WDSUB1: variants seen among roughly 807,000 people sequenced by gnomAD.
The protein encoded by WDSUB1 is WD repeat, SAM and U-box domain-containing protein 1.
Under a neutral mutation model 53.9 loss-of-function variants are expected in WDSUB1, and 49 were observed. The observed-to-expected ratio is 0.91, with a 90% CI of 0.72 to 1.15. WDSUB1 has a LOEUF of 1.15. Ranked by LOEUF, WDSUB1 falls within the 50% of genes most tolerant of loss-of-function variation. The pLI is 0.00. For missense variants in WDSUB1, 514 were observed against 562.0 expected (o/e 0.91, Z 0.86); for synonymous variants, 194 against 200.6 (o/e 0.97, Z 0.28).
intron 5 of WDSUB1, among the ~76,000 whole-genome samples, chr2:159,265,293 CCACACACA>C (rs75210001): frequency 1.3e-5 from 2 of 149,352 alleles, no homozygotes; most frequent in Non-Finnish European, 1.5e-5. Flanking sequence ...AGCACACACA[CCACACACA>C]CACACACACA....
In WDSUB1 at chr2:159,256,109, G is replaced by A. The variant is rs2061055493; in HGVS notation, c.1132+87C>T. ...CATTAGTGTAGTGCCAGAACATTAAGAAGAAACCATTAATGCAACAAAATC... is the reference window on the plus strand; with the variant it reads ...CATTAGTGTAGTGCCAGAACATTAAAAAGAAACCATTAATGCAACAAAATC... On this transcript the variant is annotated intron_variant, in intron 9 of 10. Coordinates refer to ENST00000359774, the MANE Select transcript of WDSUB1 (RefSeq NM_001128212.3). 3 of 1,299,240 alleles carry A rather than the reference G, an allele frequency of 2.3e-6. No homozygotes were observed. In the East Asian group the frequency reaches 7.2e-5, roughly 31 times the overall value. The allele number at this position is 1,299,240 out of a possible 1,614,324, so 80.5% of individuals were successfully genotyped here.
intron 3 of WDSUB1, among the ~76,000 whole-genome samples, chr2:159,278,447 T>C (rs927684739): frequency 6.6e-6 from 1 of 152,192 alleles, no homozygotes; most frequent in Non-Finnish European, 1.5e-5. Context: ...TACAAGCTAA[T>C]AGGAAAAACA....
At chr2:159,247,651 G>GTAAA (rs2060829603) in intron 10 of WDSUB1, among the ~76,000 whole-genome samples, 1 of 151,240 alleles carries the variant, frequency 6.6e-6, no homozygotes, top group East Asian at 2.0e-4. Flanking sequence ...TATAACCCAC[G>GTAAA]TAAATAACCC....
chr2:159,280,724 T>C lies in WDSUB1; in HGVS notation c.399-779A>G, dbSNP rs2061647180. Among the ~76,000 whole-genome samples, 4 of 134,472 alleles carry C rather than the reference T, an allele frequency of 3.0e-5. No individual in the cohort carries two copies. In the South Asian group the frequency reaches 9.4e-4, roughly 32 times the overall value. 88.2% of individuals were successfully genotyped at this position (134,472 alleles called of 152,430 possible). On this transcript the variant is annotated intron_variant, in intron 2 of 10. Transcript: ENST00000359774. ...AAAAAAAAAAATTACCCAGAAGCAA[T>C]GGCGAGGTCTTCAAATATAAATTAT...
In WDSUB1 at chr2:159,279,938, T is replaced by TAC. The variant is rs1367644778; in HGVS notation, c.404_405dup (p.Ser136ValfsTer29). The TAC allele has an allele frequency of 6.2e-7, 1 of 1,605,312 alleles. No homozygotes were observed. The highest frequency in any genetic ancestry group is 8.5e-7 in the Non-Finnish European group (1 of 1,174,106). Reference sequence around the variant, plus strand: ...GCCGCCAAGGAGCCATCTTTAACACTACCACATCTGAAATAAAAGCAAAAA... The same window carrying TAC: ...GCCGCCAAGGAGCCATCTTTAACACTACACCACATCTGAAATAAAAGCAAAAA... On this transcript the variant is annotated frameshift_variant, in exon 3 of 11. Coordinates refer to ENST00000359774, the MANE Select transcript of WDSUB1 (RefSeq NM_001128212.3). LOFTEE classifies it high-confidence loss of function.
At chr2:159,248,333 C>G (rs768635888) in intron 10 of WDSUB1, 39 bp downstream of exon 10, 1 of 1,596,268 alleles carries the variant, frequency 6.3e-7, no homozygotes, top group African/African-American at 1.4e-5. Flanking sequence ...TCATTTAGCA[C>G]AAAACATCCC....
At chr2:159,240,046 C>T (rs983892902) in intron 10 of WDSUB1, among the ~76,000 whole-genome samples, 1 of 152,180 alleles carries the variant, frequency 6.6e-6, no homozygotes, top group African/African-American at 2.4e-5. Flanking sequence ...CAATCCCATA[C>T]CCATTAGCAG....
chr2:159,247,370 T>A (rs998133981), intron 10 of WDSUB1, among the ~76,000 whole-genome samples: 24 of 152,170 alleles, frequency 1.6e-4, no homozygotes, highest in African/African-American at 5.6e-4. Flanking sequence ...CTCAAATATA[T>A]GTAAATAGTA....
chr2:159,272,717 C>T (rs1209818725), intron 4 of WDSUB1, among the ~76,000 whole-genome samples: 1 of 152,136 alleles, frequency 6.6e-6, no homozygotes, highest in Non-Finnish European at 1.5e-5. Context: ...AATATTTTCT[C>T]ATCCTGTAAA....
intron 3 of WDSUB1, among the ~76,000 whole-genome samples, 184 bp from the exon 4 acceptor site, chr2:159,275,822 G>A (rs1426683718): frequency 6.6e-6 from 1 of 152,086 alleles, no homozygotes; most frequent in African/African-American, 2.4e-5. Context: ...GGTACTATGT[G>A]GGATTATTAG....
At chr2:159,258,019 C>T in intron 6 of WDSUB1, 34 bp from the exon 7 acceptor site, 3 of 1,594,028 alleles carry the variant, frequency 1.9e-6, no homozygotes, top group Non-Finnish European at 1.7e-6. Context: ...TAAATTTACT[C>T]AAGTAAGAGT....
intron 5 of WDSUB1, among the ~76,000 whole-genome samples, chr2:159,266,597 G>A (rs1319911584): frequency 1.3e-5 from 2 of 152,056 alleles, no homozygotes; most frequent in Admixed American, 6.6e-5. Flanking sequence ...ACCTATAACC[G>A]CATTCTGTTG....
intron 3 of WDSUB1, among the ~76,000 whole-genome samples, chr2:159,276,162 A>G (rs1372649260): frequency 1.3e-5 from 2 of 152,078 alleles, no homozygotes; most frequent in Non-Finnish European, 2.9e-5. Context: ...CCCAGGTTCA[A>G]GCAATTCTCC....
intron 9 of WDSUB1, among the ~76,000 whole-genome samples, chr2:159,250,881 A>G (rs1210336930): frequency 6.6e-6 from 1 of 152,154 alleles, no homozygotes; most frequent in African/African-American, 2.4e-5. Flanking sequence ...GGGTAGAGAC[A>G]TGGCTTCAAA....
chr2:159,280,910 T>A (rs1463504477), intron 2 of WDSUB1, among the ~76,000 whole-genome samples: 3 of 152,120 alleles, frequency 2.0e-5, no homozygotes, highest in Non-Finnish European at 4.4e-5. Context: ...CATTTATATA[T>A]AATTAATTAC....
chr2:159,278,731 A>C (rs2061593469), intron 3 of WDSUB1, among the ~76,000 whole-genome samples: 1 of 152,194 alleles, frequency 6.6e-6, no homozygotes, highest in Admixed American at 6.5e-5. Context: ...AAAATGCATA[A>C]GGCCAAGAGC....
chr2:159,281,287 G>A (rs1402653445), intron 2 of WDSUB1, among the ~76,000 whole-genome samples: 1 of 152,002 alleles, frequency 6.6e-6, no homozygotes, highest in African/African-American at 2.4e-5. Context: ...CACTCAGGCT[G>A]GGGTACAGTA....
At chr2:159,274,719 C>T (rs1424801443) in intron 4 of WDSUB1, among the ~76,000 whole-genome samples, 1 of 152,166 alleles carries the variant, frequency 6.6e-6, no homozygotes, top group East Asian at 1.9e-4. Flanking sequence ...CAATAACGAA[C>T]CACTTCTGTG....
At chr2:159,236,539 A>C (rs2151025167) in intron 10 of WDSUB1, among the ~76,000 whole-genome samples, 1 of 152,322 alleles carries the variant, frequency 6.6e-6, no homozygotes, top group South Asian at 2.1e-4. Context: ...GAGCTGTTGG[A>C]AAGTTTGGCT....
Sources: allele counts gnomAD v4.1 joint callset (sites outside exome capture counted in the v4.1 genomes callset), GRCh38; gene constraint gnomAD v4.1.1; transcripts MANE v1.5; gene names NCBI Gene and HGNC (gene_info 2026-07-23, HGNC 2026-07-21).